CAST: variants seen among roughly 807,000 people sequenced by gnomAD.
The protein encoded by CAST is calpastatin, also known as MIR583 host.
In CAST, 76 loss-of-function variants were observed where a neutral mutation model predicts 119.6. That is an observed-to-expected ratio of 0.64 (90% CI 0.53 to 0.77). The LOEUF (loss-of-function observed/expected upper bound fraction) is 0.77, where lower values mean the gene tolerates loss of function less well. Ranked by LOEUF, CAST falls within the 30% of genes least tolerant of loss-of-function variation. The pLI is 0.00. For missense variants in CAST, 953 were observed against 946.5 expected (o/e 1.01, Z -0.09); for synonymous variants, 319 against 331.6 (o/e 0.96, Z 0.41).
intron 1 of CAST, among the ~76,000 whole-genome samples, chr5:96,649,677 C>T (rs535797571): frequency 7.9e-5 from 12 of 152,156 alleles, no homozygotes; most frequent in Non-Finnish European, 1.6e-4. Context: ...GTAACTTTGA[C>T]CCAATTGAGC....
chr5:96,019,976 A>G, the CAST span, among the ~76,000 whole-genome samples: 1 of 152,218 alleles, frequency 6.6e-6, no homozygotes, highest in Non-Finnish European at 1.5e-5. Flanking sequence ...GCTTTTTATA[A>G]AAATATGGAT....
At chr5:96,703,111 A>G (rs75092723) in intron 3 of CAST, among the ~76,000 whole-genome samples, 9,100 of 151,106 alleles carry the variant, frequency 0.06, 580 homozygotes, top group East Asian at 0.21. Flanking sequence ...TTTCTTGGCG[A>G]CTCCTCCTCC....
At chr5:96,366,746 T>G in the CAST span, among the ~76,000 whole-genome samples, 1 of 152,172 alleles carries the variant, frequency 6.6e-6, no homozygotes, top group Non-Finnish European at 1.5e-5. Context: ...TTTTTCAAGG[T>G]TTTTAGCTTC....
the CAST span, among the ~76,000 whole-genome samples, chr5:96,312,116 C>T: frequency 6.6e-6 from 1 of 151,972 alleles, no homozygotes; most frequent in Admixed American, 6.6e-5. Context: ...TACCATGAGG[C>T]TTACACACAA....
At chr5:96,040,079 A>T in the CAST span, among the ~76,000 whole-genome samples, 3 of 151,938 alleles carry the variant, frequency 2.0e-5, no homozygotes, top group Admixed American at 6.6e-5. Context: ...CCTTGAAGAG[A>T]TCCTTCACAT....
chr5:96,425,770 A>G, the CAST span: 1 of 995,638 alleles, frequency 1.0e-6, no homozygotes, highest in South Asian at 1.3e-5. Context: ...AACAACATAA[A>G]GAAGCCAGGT....
chr5:96,460,838 C>T, the CAST span, among the ~76,000 whole-genome samples: 9 of 152,080 alleles, frequency 5.9e-5, no homozygotes, highest in Admixed American at 5.9e-4. Flanking sequence ...GCAAGTCCAT[C>T]GATAGACCAC....
chr5:96,202,717 A>G, the CAST span, among the ~76,000 whole-genome samples: 1 of 152,086 alleles, frequency 6.6e-6, no homozygotes, highest in Non-Finnish European at 1.5e-5. Context: ...TGCTTAACCA[A>G]AAGTTTTACT....
chr5:96,453,896 GA>G, the CAST span, among the ~76,000 whole-genome samples: 21,931 of 150,984 alleles, frequency 0.15, 1,656 homozygotes, highest in African/African-American at 0.17. Flanking sequence ...CAGATTGGAA[GA>G]AAAAAAAAGA....
chr5:96,551,918 C>T (rs1273772490), intron 1 of CAST, among the ~76,000 whole-genome samples: 1 of 152,098 alleles, frequency 6.6e-6, no homozygotes. Context: ...ATTCATAAAG[C>T]AAGTTCTTAA....
the CAST span, among the ~76,000 whole-genome samples, chr5:96,407,114 G>A: frequency 6.6e-6 from 1 of 152,118 alleles, no homozygotes; most frequent in African/African-American, 2.4e-5. Flanking sequence ...ATCTAATTTG[G>A]GGTTGTGAAG....
the CAST span, chr5:96,422,019 A>G: frequency 4.0e-6 from 3 of 748,594 alleles, no homozygotes; most frequent in Admixed American, 2.1e-5. Context: ...AAAAAAAAAA[A>G]GCATCACTTC....
intron 1 of CAST, among the ~76,000 whole-genome samples, chr5:96,663,733 C>T (rs760018827): frequency 4.0e-5 from 6 of 151,890 alleles, no homozygotes; most frequent in Admixed American, 1.3e-4. Context: ...GGAAAGAAAG[C>T]GAGAAAGTGA....
chr5:96,184,929 A>T, the CAST span, among the ~76,000 whole-genome samples: 2 of 152,232 alleles, frequency 1.3e-5, no homozygotes, highest in Non-Finnish European at 2.9e-5. Context: ...AGGAATCACC[A>T]CACTGTCTTC....
At chr5:96,279,603 A>G in the CAST span, among the ~76,000 whole-genome samples, 1 of 152,210 alleles carries the variant, frequency 6.6e-6, no homozygotes, top group Non-Finnish European at 1.5e-5. Flanking sequence ...CATGATAAGA[A>G]CAGAAGATGG....
intron 3 of CAST, among the ~76,000 whole-genome samples, chr5:96,721,262 T>G (rs1194595934): frequency 1.3e-5 from 2 of 152,182 alleles, no homozygotes; most frequent in Non-Finnish European, 2.9e-5. Flanking sequence ...GGAATAGTTA[T>G]GTTTATATGA....
At chr5:96,766,239 A>G (rs1769891696) in intron 27 of CAST, 94 bp downstream of exon 27, 1 of 721,380 alleles carries the variant, frequency 1.4e-6, no homozygotes, top group Non-Finnish European at 2.4e-6. Context: ...ACTCCTTTAC[A>G]ATAGCATAAA....
At chr5:96,165,939 T>A in the CAST span, among the ~76,000 whole-genome samples, 1 of 152,094 alleles carries the variant, frequency 6.6e-6, no homozygotes, top group Non-Finnish European at 1.5e-5. Flanking sequence ...CACATTTAAT[T>A]TACATTAATT....
At chr5:96,472,521 G>A in the CAST span, among the ~76,000 whole-genome samples, 1 of 152,182 alleles carries the variant, frequency 6.6e-6, no homozygotes, top group East Asian at 1.9e-4. Context: ...TGACTCAAAA[G>A]TTGTTTCAGA....
Sources: gnomAD v4.1 joint callset for allele counts (sites outside exome capture counted in the v4.1 genomes callset) on GRCh38, gnomAD v4.1.1 for gene constraint, MANE v1.5 for transcripts, NCBI Gene and HGNC (gene_info 2026-07-23, HGNC 2026-07-21) for gene names.